The following BICD1 variants were observed in gnomAD, a reference collection of about 807,000 sequenced individuals.
The protein encoded by BICD1 is BICD cargo adaptor 1, also known as protein bicaudal D homolog 1.
A neutral mutation model predicts 92.5 loss-of-function variants in BICD1; 35 were observed. The observed-to-expected ratio is 0.38, with a 90% CI of 0.29 to 0.50. The LOEUF is 0.50. Ranked by LOEUF, BICD1 falls within the 20% of genes least tolerant of loss-of-function variation. The pLI is 0.93. For missense variants in BICD1, 950 were observed against 1,189.8 expected, an observed-to-expected ratio of 0.80 and a Z score of 2.97; for synonymous variants, 429 against 465.1, an observed-to-expected ratio of 0.92 and a Z score of 1.00.
At chr12:32,305,661 T>C (rs1242115430) in intron 3 of BICD1, 36 bp from the exon 4 acceptor site, 1 of 1,540,276 alleles carries the variant, frequency 6.5e-7, no homozygotes, top group East Asian at 2.3e-5. Context: ...ATCCACATTT[T>C]AGTTTTATGA....
intron 1 of BICD1, among the ~76,000 whole-genome samples, chr12:32,196,738 A>T (rs1255305914): frequency 6.6e-6 from 1 of 152,178 alleles, no homozygotes; most frequent in Admixed American, 6.5e-5. Context: ...TACTGTGTTT[A>T]CTTGAAATTA....
At chr12:32,233,158 C>T (rs1464290377) in intron 2 of BICD1, among the ~76,000 whole-genome samples, 1 of 151,972 alleles carries the variant, frequency 6.6e-6, no homozygotes, top group East Asian at 1.9e-4. Flanking sequence ...CCCATCGCTA[C>T]TAAAAATACA....
At chr12:32,149,653 A>T (rs1021481136) in intron 1 of BICD1, among the ~76,000 whole-genome samples, 1 of 152,222 alleles carries the variant, frequency 6.6e-6, no homozygotes, top group Non-Finnish European at 1.5e-5. Context: ...CTGACTTAGG[A>T]GAATTCTGGT....
chr12:32,338,773 G>T lies in BICD1; in HGVS notation c.2571-13G>T. ...TTGTTTCCTATATGTATTTTTCTTGGATCTCCTGCAAGACAATTTTCACCT... is the reference window on the plus strand; with the variant it reads ...TTGTTTCCTATATGTATTTTTCTTGTATCTCCTGCAAGACAATTTTCACCT... On this transcript the variant is annotated splice_polypyrimidine_tract_variant and intron_variant, in intron 7 of 9. Coordinates refer to ENST00000652176, the MANE Select transcript of BICD1 (RefSeq NM_001714.4). 1 of 1,560,900 alleles carries T rather than the reference G, an allele frequency of 6.4e-7. No homozygotes were observed. Among genetic ancestry groups the T allele is most frequent in the Non-Finnish European group, 8.6e-7 (1 of 1,160,960 alleles).
intron 1 of BICD1, among the ~76,000 whole-genome samples, chr12:32,153,672 C>A (rs1943354231): frequency 6.6e-6 from 1 of 151,940 alleles, no homozygotes; most frequent in Non-Finnish European, 1.5e-5. Flanking sequence ...GGGAGGCTGG[C>A]TTGGGTCTGG....
chr12:32,218,276 A>C (rs1945415151), intron 2 of BICD1, among the ~76,000 whole-genome samples: 1 of 152,232 alleles, frequency 6.6e-6, no homozygotes, highest in East Asian at 1.9e-4. Flanking sequence ...AGGCAGCAAA[A>C]GAAAAAAAAT....
At chr12:32,170,795 C>T (rs1208809854) in intron 1 of BICD1, among the ~76,000 whole-genome samples, 1 of 152,078 alleles carries the variant, frequency 6.6e-6, no homozygotes, top group African/African-American at 2.4e-5. Context: ...TATTTTTGGT[C>T]ACAACTGAGG....
At chr12:32,249,180 G>A (rs1285317851) in intron 2 of BICD1, among the ~76,000 whole-genome samples, 1 of 152,170 alleles carries the variant, frequency 6.6e-6, no homozygotes, top group Non-Finnish European at 1.5e-5. Flanking sequence ...CAGGTGGGTA[G>A]GGTAGAGTAT....
At chr12:32,172,165 C>T (rs1408415572) in intron 1 of BICD1, among the ~76,000 whole-genome samples, 1 of 152,094 alleles carries the variant, frequency 6.6e-6, no homozygotes, top group African/African-American at 2.4e-5. Flanking sequence ...CTAGAATGAT[C>T]AGTTACTGAA....
rs545827962 is a variant in BICD1, at chr12:32,322,626, A to T, written c.1006-4835A>T. ...CTGGTCAGAGGCCTGGGAGTTGGGGACTCCTGTTGTGTAGGGAGGAAACAC... is the reference window on the plus strand; with the variant it reads ...CTGGTCAGAGGCCTGGGAGTTGGGGTCTCCTGTTGTGTAGGGAGGAAACAC... On this transcript the variant is annotated intron_variant, in intron 4 of 9. Transcript: ENST00000652176. 3.3e-5 allele frequency among the ~76,000 whole-genome samples: 5 copies of T among 151,604 alleles called. No individual in the cohort carries two copies. In the South Asian group the frequency reaches 8.3e-4, roughly 25 times the overall value.
chr12:32,255,369 G>C (rs1248362499), intron 2 of BICD1, among the ~76,000 whole-genome samples: 2 of 152,076 alleles, frequency 1.3e-5, no homozygotes, highest in Admixed American at 6.5e-5. Flanking sequence ...CAAACATTCA[G>C]TTCATAACAG....
At chr12:32,167,843 A>C (rs1409203226) in intron 1 of BICD1, among the ~76,000 whole-genome samples, 1 of 152,242 alleles carries the variant, frequency 6.6e-6, no homozygotes, top group African/African-American at 2.4e-5. Flanking sequence ...TGTGGTTAAC[A>C]GCACAGATTC....
intron 1 of BICD1, among the ~76,000 whole-genome samples, chr12:32,117,836 C>T (rs1306417364): frequency 6.7e-6 from 1 of 149,520 alleles, no homozygotes; most frequent in African/African-American, 2.4e-5. Context: ...CCGCAACCTC[C>T]ACCTCCCAGT....
rs553518377 is a variant in BICD1, at chr12:32,367,719, C to T, written c.2814C>T (p.Ala938=). ...TACCGCCACAGTGCTCACAACTAGCCGGGAGGCAAGACTGCCCAACTGTCA... is the reference window on the plus strand; with the variant it reads ...TACCGCCACAGTGCTCACAACTAGCTGGGAGGCAAGACTGCCCAACTGTCA... The part of the protein sequence containing the change: ...ASVPPQCSQL[A]GRQDCPTVSP... Residue 938 remains alanine, a synonymous_variant, in exon 9 of 10, where the codon GCC becomes GCT. Coordinates refer to ENST00000652176, the MANE Select transcript of BICD1 (RefSeq NM_001714.4). The T allele has an allele frequency of 1.2e-5, 19 of 1,614,152 alleles. No homozygotes were observed. The highest frequency in any genetic ancestry group is 3.3e-4 in the Middle Eastern group (2 of 6,048).
chr12:32,232,757 A>G (rs1304741593), intron 2 of BICD1, among the ~76,000 whole-genome samples: 5 of 151,964 alleles, frequency 3.3e-5, no homozygotes, highest in East Asian at 3.9e-4. Flanking sequence ...TCTTGAATTG[A>G]TTTTTGTATA....
chr12:32,205,630 T>C (rs1302834046), intron 1 of BICD1, among the ~76,000 whole-genome samples: 2 of 150,654 alleles, frequency 1.3e-5, no homozygotes, highest in Non-Finnish European at 2.9e-5. Context: ...TGTGCTTTTT[T>C]CTCATATTTT....
chr12:32,364,943 CTAAA>C (rs1939470454), intron 8 of BICD1, among the ~76,000 whole-genome samples: 1 of 151,818 alleles, frequency 6.6e-6, no homozygotes, highest in South Asian at 2.1e-4. Flanking sequence ...GTCTCAAAAA[CTAAA>C]TAAATAGGCC....
At chr12:32,300,153 G>A (rs1207935736) in intron 3 of BICD1, among the ~76,000 whole-genome samples, 1 of 151,848 alleles carries the variant, frequency 6.6e-6, no homozygotes, top group Non-Finnish European at 1.5e-5. Context: ...CCAGGCTGGA[G>A]TGCAATGGTG....
intron 4 of BICD1, among the ~76,000 whole-genome samples, chr12:32,326,473 A>G (rs1469080245): frequency 2.6e-5 from 4 of 152,234 alleles, no homozygotes; most frequent in African/African-American, 9.6e-5. Flanking sequence ...TACATATCAC[A>G]TTATTCAAAT....
Sources: allele counts gnomAD v4.1 joint callset (sites outside exome capture counted in the v4.1 genomes callset), GRCh38; gene constraint gnomAD v4.1.1; transcripts MANE v1.5; gene names NCBI Gene and HGNC (gene_info 2026-07-23, HGNC 2026-07-21).